Variants in RGS17 observed in about 807,000 individuals in gnomAD.
RGS17 encodes the protein regulator of G-protein signaling 17.
Under a neutral mutation model 25.5 loss-of-function variants are expected in RGS17, and 12 were observed. That is an observed-to-expected ratio of 0.47 (90% CI 0.30 to 0.76). The LOEUF (loss-of-function observed/expected upper bound fraction) is 0.76, where lower values mean the gene tolerates loss of function less well. Among genes scored for constraint, RGS17 ranks in the 30% least tolerant of loss-of-function variants. RGS17 has a pLI of 0.07. For synonymous variants in RGS17, 71 were observed against 76.9 expected, an observed-to-expected ratio of 0.92 and a Z score of 0.40; for missense variants, 196 against 242.2, an observed-to-expected ratio of 0.81 and a Z score of 1.27.
Position 153,005,514 on chromosome 6 carries a change from T to G in RGS17, c.*6060A>C, listed in dbSNP as rs906600468. ...GCTACCTCAGCTAAGTGATCAAGGTTAACATCAACAGCTAAGAGTAGCCTA... is the reference window on the plus strand; with the variant it reads ...GCTACCTCAGCTAAGTGATCAAGGTGAACATCAACAGCTAAGAGTAGCCTA... On this transcript the variant is annotated 3_prime_UTR_variant, in exon 5 of 5. Coordinates refer to ENST00000206262, the MANE Select transcript of RGS17 (RefSeq NM_012419.5). 1 of 152,212 alleles carries G rather than the reference T, an allele frequency of 6.6e-6. No individual in the cohort carries two copies. The highest frequency in any genetic ancestry group is 1.5e-5 in the Non-Finnish European group (1 of 68,040). 9.4% of individuals were successfully genotyped at this position (152,212 alleles called of 1,614,324 possible).
rs555340230 is a variant in RGS17 at position 153,120,133 on chromosome 6, G to A, written c.-26+10991C>T. ...TTGGATATGCAGAATAGAACGTAAC[G>A]ATTGCCAACTTCATTCTGGACGCTA... On this transcript the variant is annotated intron_variant, in intron 1 of 4. Coordinates refer to ENST00000206262, the MANE Select transcript of RGS17 (RefSeq NM_012419.5). Among the ~76,000 whole-genome samples, 8 of 152,274 alleles carry A rather than the reference G, an allele frequency of 5.3e-5. No individual in the cohort carries two copies. The South Asian group carries it at 8.3e-4, about 16-fold the overall frequency.
chr6:153,053,947 T>A (rs1432785957), intron 1 of RGS17, among the ~76,000 whole-genome samples: 1 of 57,412 alleles, frequency 1.7e-5, no homozygotes, highest in African/African-American at 1.5e-4. Flanking sequence ...ATATATAATA[T>A]ATATACATAT....
chr6:153,115,191 C>A (rs1267812564), intron 1 of RGS17, among the ~76,000 whole-genome samples: 1 of 152,196 alleles, frequency 6.6e-6, no homozygotes, highest in Non-Finnish European at 1.5e-5. Context: ...CCCATCATTT[C>A]AGCCCAATAT....
At chr6:153,029,512 G>A (rs1779338899) in intron 2 of RGS17, among the ~76,000 whole-genome samples, 1 of 151,806 alleles carries the variant, frequency 6.6e-6, no homozygotes, top group Non-Finnish European at 1.5e-5. Context: ...TGTTATATGT[G>A]TTTGAGGAAA....
In RGS17 at chr6:153,009,016, C is replaced by CT; in HGVS notation, c.*2557dup. ...CTGATGTGTAAATCTGCTCTCGAATCTTTTTTAACTCAACTTCCTCATCAG... is the reference window on the plus strand; with the variant it reads ...CTGATGTGTAAATCTGCTCTCGAATCTTTTTTTAACTCAACTTCCTCATCAG... On this transcript the variant is annotated 3_prime_UTR_variant, in exon 5 of 5. Transcript: ENST00000206262. The CT allele has an allele frequency of 6.6e-6, 1 of 152,078 alleles. No homozygotes were observed. The highest frequency in any genetic ancestry group is 1.5e-5 in the Non-Finnish European group (1 of 67,962). 9.4% of individuals were successfully genotyped at this position (152,078 alleles called of 1,614,324 possible).
At chr6:153,092,239 T>C (rs567452461) in intron 1 of RGS17, among the ~76,000 whole-genome samples, 25 of 152,354 alleles carry the variant, frequency 1.6e-4, no homozygotes, top group African/African-American at 6.0e-4. Context: ...TCACTTTGGG[T>C]ACTTCTTTGC....
intron 4 of RGS17, among the ~76,000 whole-genome samples, chr6:153,014,293 G>A (rs1056390061): frequency 3.9e-5 from 6 of 152,102 alleles, no homozygotes; most frequent in African/African-American, 1.2e-4. Flanking sequence ...GTCTTACTGG[G>A]TGTTTTAAGC....
intron 1 of RGS17, among the ~76,000 whole-genome samples, chr6:153,104,691 TAGAGAG>T (rs1777353123): frequency 6.6e-6 from 1 of 151,946 alleles, no homozygotes; most frequent in African/African-American, 2.4e-5. Context: ...TTAAGAGTTA[TAGAGAG>T]AAACAGGTTG....
intron 2 of RGS17, among the ~76,000 whole-genome samples, chr6:153,028,548 G>T (rs1367647591): frequency 6.6e-6 from 1 of 152,128 alleles, no homozygotes; most frequent in African/African-American, 2.4e-5. Context: ...GAATGAGTAA[G>T]AAAGTTCTTC....
chr6:153,082,385 T>C lies in RGS17; in HGVS notation c.-25-38342A>G, dbSNP rs570460670. Among the ~76,000 whole-genome samples the C allele has an allele frequency of 1.1e-4, 17 of 152,272 alleles. No individual in the cohort carries two copies. In the South Asian group the frequency reaches 3.5e-3, roughly 32 times the overall value. On this transcript the variant is annotated intron_variant, in intron 1 of 4. Transcript: ENST00000206262. ...GACACGGAGGCTGTGTCAATTTTCA[T>C]TTCAGTATTTTTTTTCCTCTCTGTG...
At chr6:153,126,553 G>A (rs1486091349) in intron 1 of RGS17, among the ~76,000 whole-genome samples, 1 of 152,052 alleles carries the variant, frequency 6.6e-6, no homozygotes, top group Non-Finnish European at 1.5e-5. Context: ...GAACAGCAGT[G>A]GAAACACAGG....
At chr6:153,060,950 T>G (rs2129114799) in intron 1 of RGS17, among the ~76,000 whole-genome samples, 1 of 152,260 alleles carries the variant, frequency 6.6e-6, no homozygotes, top group Non-Finnish European at 1.5e-5. Context: ...AACCAGTGAG[T>G]TCAGTAAATG....
At chr6:153,063,745 T>A (rs1205919102) in intron 1 of RGS17, among the ~76,000 whole-genome samples, 3 of 152,142 alleles carry the variant, frequency 2.0e-5, no homozygotes, top group African/African-American at 7.2e-5. Flanking sequence ...TATAGAAGGT[T>A]ACAGAATACC....
At position 153,130,200 on chromosome 6, in the gene RGS17, C is replaced by T. The variant is rs927636080; in HGVS notation, c.-26+924G>A. Among the ~76,000 whole-genome samples the T allele has an allele frequency of 6.6e-6, 1 of 152,218 alleles. No homozygotes were observed. Among genetic ancestry groups the T allele is most frequent in the Non-Finnish European group, 1.5e-5 (1 of 68,046 alleles). ...GAAAGCGGCCGTGTCTGCACCCAGC[C>T]TCTGCCGCAGCACTCGATGAGGGAC... On this transcript the variant is annotated intron_variant, in intron 1 of 4. Coordinates refer to ENST00000206262, the MANE Select transcript of RGS17 (RefSeq NM_012419.5). This position sits in a 1 kb window ranked among gnomAD's most constrained non-coding sequence, Gnocchi z 6.4.
chr6:153,028,007 A>C (rs1779321359), intron 2 of RGS17, among the ~76,000 whole-genome samples: 1 of 152,210 alleles, frequency 6.6e-6, no homozygotes, highest in Non-Finnish European at 1.5e-5. Context: ...AATGGAGCAA[A>C]GGGAAATATT....
intron 1 of RGS17, among the ~76,000 whole-genome samples, chr6:153,085,973 C>A (rs188639080): frequency 1.0e-3 from 156 of 152,192 alleles, no homozygotes; most frequent in African/African-American, 3.6e-3. Context: ...CAGGAAAGTT[C>A]TTGGGAGTTC....
chr6:153,037,706 A>G (rs1375869697), intron 2 of RGS17, among the ~76,000 whole-genome samples: 1 of 152,110 alleles, frequency 6.6e-6, no homozygotes, highest in Non-Finnish European at 1.5e-5. Context: ...TTACAGGCAT[A>G]AGCCACCACA....
chr6:153,115,556 C>A (rs190671643), intron 1 of RGS17, among the ~76,000 whole-genome samples: 445 of 152,236 alleles, frequency 2.9e-3, no homozygotes, highest in African/African-American at 9.5e-3. Context: ...ACTTTCTTCA[C>A]AGAATTAGGA....
intron 2 of RGS17, among the ~76,000 whole-genome samples, chr6:153,027,457 G>T (rs946350580): frequency 2.6e-5 from 4 of 152,118 alleles, no homozygotes; most frequent in Non-Finnish European, 5.9e-5. Flanking sequence ...TCCCAAATTA[G>T]CCAACTGATC....
Sources: allele counts gnomAD v4.1 joint callset (sites outside exome capture counted in the v4.1 genomes callset), GRCh38; gene constraint gnomAD v4.1.1; non-coding constraint Gnocchi (gnomAD v3.1); transcripts MANE v1.5; gene names NCBI Gene and HGNC (gene_info 2026-07-23, HGNC 2026-07-21).